Variants in RP1L1 observed in about 807,000 individuals in gnomAD.
RP1L1 encodes retinitis pigmentosa 1-like 1 protein.
In RP1L1, 27 loss-of-function variants were observed where a neutral mutation model predicts 15.7. The observed-to-expected ratio is 1.72, with a 90% CI of 1.27 to 2.38. The LOEUF is 2.38. Ranked by LOEUF, RP1L1 falls within the 30% of genes most tolerant of loss-of-function variation. RP1L1 has a pLI of 0.00. For synonymous variants in RP1L1, 1,813 were observed against 1,276.7 expected (o/e 1.42, Z -8.96); for missense variants, 4,798 against 3,075.9 (o/e 1.56, Z -13.24).
intron 1 of RP1L1, among the ~76,000 whole-genome samples, chr8:10,643,340 G>GA (rs1000212411): frequency 3.0e-4 from 46 of 151,452 alleles, no homozygotes; most frequent in Non-Finnish European, 5.0e-4. Context: ...ACCTTGCCTA[G>GA]AAAAAAAAAT....
At chr8:10,635,137 C>A (rs1352720947) in intron 1 of RP1L1, among the ~76,000 whole-genome samples, 1 of 152,298 alleles carries the variant, frequency 6.6e-6, no homozygotes, top group Non-Finnish European at 1.5e-5. Context: ...GTGACGCGGT[C>A]TTCATCTGAT....
Position 10,611,634 on chromosome 8 carries a change from G to T in RP1L1, c.2464C>A (p.Arg822=). Residue 822 remains arginine (R), a synonymous_variant, in exon 4 of 4, where the codon CGA becomes AGA. Coordinates refer to ENST00000382483, the MANE Select transcript of RP1L1 (RefSeq NM_178857.6). ...CCAGGCTGTGAGCAGCAGTGGCTTC[G>T]GTGGGGGCCCACCGCCCCTTGCTCA... ...RPEQGAVGPH[R]SHCCSQPGTQ... 3.7e-6 allele frequency: 6 copies of T among 1,612,860 alleles called. No individual in the cohort carries two copies. The highest frequency in any genetic ancestry group is 5.1e-6 in the Non-Finnish European group (6 of 1,179,834).
intron 1 of RP1L1, among the ~76,000 whole-genome samples, chr8:10,646,927 TC>T (rs1019803463): frequency 2.6e-5 from 4 of 151,960 alleles, no homozygotes; most frequent in African/African-American, 2.4e-5. Context: ...AATGCCAACC[TC>T]CCCCCCTCAG....
intron 1 of RP1L1, among the ~76,000 whole-genome samples, chr8:10,630,261 C>T (rs760855036): frequency 6.6e-6 from 1 of 152,208 alleles, no homozygotes; most frequent in Non-Finnish European, 1.5e-5. Flanking sequence ...CCCATCCACA[C>T]CCCAGGCAGG....
chr8:10,610,288 G>A lies in RP1L1; in HGVS notation c.3810C>T (p.Ala1270=). 1 of 1,614,180 alleles carries A rather than the reference G, an allele frequency of 6.2e-7. No homozygotes were observed. Among genetic ancestry groups the A allele is most frequent in the Non-Finnish European group, 8.5e-7 (1 of 1,180,032 alleles). ...CTCTTTCTGCTTCATCCTCATTGGT[G>A]GCACAAGCGCAGGCTCGGGCGTTCA... is the stretch of plus-strand genomic sequence containing the variant. The part of the protein sequence containing the change: ...TFLNARACAC[A]TNEDEAERDS... Residue 1270 remains alanine, a synonymous_variant, in exon 4 of 4, where the codon GCC becomes GCT. Transcript: ENST00000382483.
At position 10,610,962 on chromosome 8, in the gene RP1L1, C is replaced by G; in HGVS notation, c.3136G>C (p.Ala1046Pro). The change falls in exon 4 of 4, where the codon GCA (alanine) becomes CCA (proline). Residue 1046 changes from alanine (A) to proline (P), a missense_variant. By Grantham distance (27) the Ala-to-Pro change is conservative (BLOSUM62 -1). Coordinates refer to ENST00000382483, the MANE Select transcript of RP1L1 (RefSeq NM_178857.6). Reference protein sequence around the residue: ...PQSGEGVPQGAAPEGVSEAPA... With the variant: ...PQSGEGVPQGPAPEGVSEAPA... ...GCCTCGGAAACTCCCTCTGGAGCTG[C>G]CCCTTGGGGGACACCCTCTCCTGAT... is the stretch of plus-strand genomic sequence containing the variant. 3.1e-6 allele frequency: 5 copies of G among 1,612,180 alleles called. No individual in the cohort carries two copies. The highest frequency in any genetic ancestry group is 4.2e-6 in the Non-Finnish European group (5 of 1,179,804).
chr8:10,609,415 C>T lies in RP1L1; in HGVS notation c.4683G>A (p.Gln1561=). 1 of 1,612,352 alleles carries T rather than the reference C, an allele frequency of 6.2e-7. No individual in the cohort carries two copies. The highest frequency in any genetic ancestry group is 8.5e-7 in the Non-Finnish European group (1 of 1,179,926). ...DLLDQMAAEL[Q]QDVAQRLQDS... ...CCTGGAGGCGTTGGGCCACGTCCTG[C>T]TGCAGCTCGGCCGCCATCTGGTCCA... The change falls in exon 4 of 4, where the codon CAG becomes CAA. Residue 1561 remains glutamine, a synonymous_variant. Transcript: ENST00000382483.
intron 1 of RP1L1, among the ~76,000 whole-genome samples, chr8:10,649,355 AAC>A (rs745761571): frequency 2.4e-4 from 36 of 152,350 alleles, no homozygotes; most frequent in Non-Finnish European, 4.7e-4. Flanking sequence ...TTTAGGAGGA[AAC>A]ACAGCACACG....
chr8:10,650,352 G>C, intron 1 of RP1L1, among the ~76,000 whole-genome samples: 1 of 152,150 alleles, frequency 6.6e-6, no homozygotes, highest in East Asian at 1.9e-4. Context: ...GCTGCTAATA[G>C]TCTCCCAAAA....
chr8:10,650,852 C>T (rs1383528984), intron 1 of RP1L1, among the ~76,000 whole-genome samples: 2 of 152,172 alleles, frequency 1.3e-5, no homozygotes, highest in Non-Finnish European at 2.9e-5. Context: ...CAGGCATGAG[C>T]CACCACACTC....
intron 1 of RP1L1, among the ~76,000 whole-genome samples, chr8:10,627,882 G>C (rs1312928801): frequency 3.3e-5 from 5 of 152,198 alleles, no homozygotes; most frequent in Admixed American, 6.5e-5. Flanking sequence ...CACAAGGGTA[G>C]TTAGTACTTC....
At chr8:10,645,494 G>C (rs1032327598) in intron 1 of RP1L1, among the ~76,000 whole-genome samples, 6 of 152,170 alleles carry the variant, frequency 3.9e-5, no homozygotes, top group Non-Finnish European at 1.5e-5. Context: ...CTACTCACCA[G>C]GGGCTTTGGT....
intron 1 of RP1L1, 122 bp from the exon 2 acceptor site, chr8:10,623,342 G>A (rs1798104588): frequency 1.4e-6 from 1 of 732,420 alleles, no homozygotes; most frequent in Admixed American, 3.0e-5. Context: ...CCACTATGGA[G>A]AGGCAAGTGA....
intron 1 of RP1L1, among the ~76,000 whole-genome samples, chr8:10,628,034 A>G (rs1798185154): frequency 1.3e-5 from 2 of 152,358 alleles, no homozygotes; most frequent in Admixed American, 1.3e-4. Flanking sequence ...GAAAGAATAC[A>G]GACAGCACCA....
At chr8:10,623,491 CAG>C (rs1282210614) in intron 1 of RP1L1, among the ~76,000 whole-genome samples, 1 of 150,708 alleles carries the variant, frequency 6.6e-6, no homozygotes, top group Non-Finnish European at 1.5e-5. Context: ...CACATGCCTT[CAG>C]AGTCACCATG....
intron 1 of RP1L1, among the ~76,000 whole-genome samples, chr8:10,650,827 A>C (rs1798548704): frequency 6.6e-6 from 1 of 152,146 alleles, no homozygotes; most frequent in Non-Finnish European, 1.5e-5. Flanking sequence ...TCGGCCTCCC[A>C]AAGTGCTGGG....
rs189091680 is a variant in RP1L1, at chr8:10,617,850, C to T, written c.610-1263G>A. ...GGATTACAGGCGTGAGCCACTGCAC[C>T]CGGCCTAGAAGTTTGTTTTAAATGA... On this transcript the variant is annotated intron_variant, in intron 2 of 3. Transcript: ENST00000382483. 1.7e-3 allele frequency among the ~76,000 whole-genome samples: 259 copies of T among 152,222 alleles called. 4 individuals carry two copies. The highest frequency in any genetic ancestry group is 4.9e-4 in the Non-Finnish European group (33 of 68,020).
chr8:10,614,645 G>T (rs1258750815), intron 3 of RP1L1, among the ~76,000 whole-genome samples: 1 of 143,764 alleles, frequency 7.0e-6, no homozygotes, highest in Non-Finnish European at 1.5e-5. Flanking sequence ...TGGGTGACAG[G>T]GTAAGATTCT....
intron 1 of RP1L1, among the ~76,000 whole-genome samples, chr8:10,623,541 C>T (rs980690476): frequency 6.6e-6 from 1 of 151,954 alleles, no homozygotes; most frequent in East Asian, 1.9e-4. Context: ...CACAATGTCC[C>T]CAGCACAACC....
Sources: gnomAD v4.1 joint callset for allele counts (sites outside exome capture counted in the v4.1 genomes callset) on GRCh38, gnomAD v4.1.1 for gene constraint, MANE v1.5 for transcripts, NCBI Gene and HGNC (gene_info 2026-07-23, HGNC 2026-07-21) for gene names.